The following COL4A3 variants were observed in gnomAD, a reference collection of about 807,000 sequenced individuals.
The protein encoded by COL4A3 is collagen alpha-3(IV) chain.
In COL4A3, 135 loss-of-function variants were observed where a neutral mutation model predicts 217.4. The observed-to-expected ratio is 0.62, with a 90% CI of 0.54 to 0.72. COL4A3 has a LOEUF of 0.72. COL4A3 is among the 30% of genes least tolerant of loss of function. The pLI is 0.00. For synonymous variants in COL4A3, 690 were observed against 736.3 expected, an observed-to-expected ratio of 0.94 and a Z score of 1.02; for missense variants, 1,868 against 2,119.9, an observed-to-expected ratio of 0.88 and a Z score of 2.33.
chr2:227,172,316 G>A (rs536190314), intron 1 of COL4A3, among the ~76,000 whole-genome samples: 1 of 152,234 alleles, frequency 6.6e-6, no homozygotes, highest in Admixed American at 6.5e-5. Flanking sequence ...GATGAGGCGG[G>A]GGCCCTCTCC....
In COL4A3 at chr2:227,307,825, A is replaced by G; in HGVS notation, c.4368A>G (p.Ala1456=). 2 of 1,614,160 alleles carry G rather than the reference A, an allele frequency of 1.2e-6. No homozygotes were observed. Among genetic ancestry groups the G allele is most frequent in the South Asian group, 2.2e-5 (2 of 91,080 alleles). Residue 1456 remains alanine (A), a synonymous_variant, in exon 48 of 52, where the codon GCA becomes GCG. Coordinates refer to ENST00000396578, the MANE Select transcript of COL4A3 (RefSeq NM_000091.5). ...TCACCCGACACAGTCAAACCACAGC[A>G]ATTCCTTCATGTCCAGAGGGGACAG... ...FVFTRHSQTT[A]IPSCPEGTVP...
At chr2:227,264,062 T>C in intron 21 of COL4A3, 118 bp downstream of exon 21, 3 of 1,139,638 alleles carry the variant, frequency 2.6e-6, no homozygotes, top group Non-Finnish European at 2.7e-6. Context: ...TTTTATGAGT[T>C]ACCTTTCCAA....
chr2:227,196,816 T>G (rs1199846216), intron 1 of COL4A3, among the ~76,000 whole-genome samples: 1 of 152,242 alleles, frequency 6.6e-6, no homozygotes, highest in Non-Finnish European at 1.5e-5. Flanking sequence ...TGTGTTTGTT[T>G]CAGACTGCAG....
In COL4A3 at chr2:227,253,643, C is replaced by G; in HGVS notation, c.765+5C>G. Reference sequence around the variant, plus strand: ...ACTGGCCCAGATAACAGAACGGTAACTCTGCGATTTTATGATTAGTGTTGT... The same window carrying G: ...ACTGGCCCAGATAACAGAACGGTAAGTCTGCGATTTTATGATTAGTGTTGT... On this transcript the variant is annotated splice_donor_5th_base_variant and intron_variant, in intron 13 of 51. Coordinates refer to ENST00000396578, the MANE Select transcript of COL4A3 (RefSeq NM_000091.5). This position sits in a 1 kb window ranked among gnomAD's most constrained non-coding sequence, Gnocchi z 4.4. 6.2e-7 allele frequency: 1 copy of G among 1,612,662 alleles called. No homozygotes were observed. Among genetic ancestry groups the G allele is most frequent in the Non-Finnish European group, 8.5e-7 (1 of 1,178,692 alleles).
chr2:227,170,080 G>A (rs1458430603), intron 1 of COL4A3, among the ~76,000 whole-genome samples: 1 of 152,102 alleles, frequency 6.6e-6, no homozygotes, highest in South Asian at 2.1e-4. Flanking sequence ...ATGTTAATTG[G>A]TATTGCACTG....
intron 25 of COL4A3, among the ~76,000 whole-genome samples, chr2:227,272,721 G>A (rs936852253): frequency 2.6e-5 from 4 of 152,294 alleles, no homozygotes; most frequent in Admixed American, 2.6e-4. Flanking sequence ...TCTCAAGTGG[G>A]ACTCAAGACA....
At chr2:227,223,419 C>T (rs925293119) in intron 1 of COL4A3, among the ~76,000 whole-genome samples, 16 of 152,138 alleles carry the variant, frequency 1.1e-4, no homozygotes, top group Non-Finnish European at 2.1e-4. Context: ...ATATCCCAAA[C>T]ATTTACATCA....
intron 1 of COL4A3, among the ~76,000 whole-genome samples, chr2:227,193,804 A>AAG (rs1473299672): frequency 3.8e-4 from 9 of 23,708 alleles, no homozygotes; most frequent in African/African-American, 9.7e-4. Context: ...AAGGAAGGGG[A>AAG]GGGAGGGAGG....
chr2:227,258,774 C>T (rs115582244), intron 18 of COL4A3, among the ~76,000 whole-genome samples: 2,018 of 152,276 alleles, frequency 0.013, 47 homozygotes, highest in African/African-American at 0.047. Flanking sequence ...TTCCTAAATA[C>T]TTTAGTGGAG....
At position 227,276,541 on chromosome 2, in the gene COL4A3, G is replaced by A; in HGVS notation, c.2020+64G>A. The A allele has an allele frequency of 4.2e-6, 5 of 1,196,074 alleles. No individual in the cohort carries two copies. The South Asian group carries it at 6.1e-5, about 15-fold the overall frequency. The allele number at this position is 1,196,074 out of a possible 1,614,324, so 74.1% of individuals were successfully genotyped here. On this transcript the variant is annotated intron_variant, in intron 27 of 51. Transcript: ENST00000396578. ...CACACACAACACCCTGACTCTCTTG[G>A]AAAAATACTGTCCCCATTATAAGGA...
Position 227,244,196 on chromosome 2 carries a change from A to G in COL4A3, c.235-124A>G, listed in dbSNP as rs2125903964. The G allele has an allele frequency of 5.2e-6, 4 of 763,566 alleles. No individual in the cohort carries two copies. In the East Asian group the frequency reaches 1.0e-4, roughly 20 times the overall value. The allele number at this position is 763,566 out of a possible 1,614,324, so 47.3% of individuals were successfully genotyped here. On this transcript the variant is annotated intron_variant, in intron 3 of 51. Coordinates refer to ENST00000396578, the MANE Select transcript of COL4A3 (RefSeq NM_000091.5). The stretch of plus-strand genomic sequence containing the variant: ...ATAAGCAAGCAATTGAATCTTATTA[A>G]CAATGAAATAATCAGAAGGGCAAAA...
intron 1 of COL4A3, among the ~76,000 whole-genome samples, chr2:227,179,241 G>A (rs889337091): frequency 4.6e-5 from 7 of 152,104 alleles, no homozygotes; most frequent in South Asian, 2.1e-4. Context: ...ATGAGACATC[G>A]TGCCTGGCCA....
chr2:227,211,661 A>G lies in COL4A3; in HGVS notation c.88-26307A>G, dbSNP rs539490456. 5.8e-3 allele frequency among the ~76,000 whole-genome samples: 885 copies of G among 151,432 alleles called. 3 individuals are homozygous for G. The highest frequency in any genetic ancestry group is 0.01 in the Non-Finnish European group (684 of 67,848). ...CTGTCAGACTTGATTTTATTTATTT[A>G]TTTATTTATTTATTGAGACAGAGTC... On this transcript the variant is annotated intron_variant, in intron 1 of 51. Coordinates refer to ENST00000396578, the MANE Select transcript of COL4A3 (RefSeq NM_000091.5).
chr2:227,289,086 G>T (rs2072521193), intron 34 of COL4A3, 64 bp from the exon 35 acceptor site: 2 of 1,274,434 alleles, frequency 1.6e-6, no homozygotes, highest in Non-Finnish European at 2.2e-6. Flanking sequence ...ACGTAGCTGG[G>T]ATTACAGGCA....
chr2:227,280,893 G>A lies in COL4A3; in HGVS notation c.2375G>A (p.Gly792Glu). ...PGNEGLDGPR[G>E]DPGQPGPPGE... ...TATATACTTGTGCTTTCTTTTGCAG[G>A]AGATCCAGGGCAGCCTGGACCACCT... The change falls in exon 31 of 52, where the codon GGA (glycine) becomes GAA (glutamate). Residue 792 changes from glycine (G) to glutamate (E), a missense_variant and splice_region_variant. By Grantham distance (98) the Gly-to-Glu change is moderately conservative. Coordinates refer to ENST00000396578, the MANE Select transcript of COL4A3 (RefSeq NM_000091.5). 3 of 1,552,598 alleles carry A rather than the reference G, an allele frequency of 1.9e-6. No homozygotes were observed. Among genetic ancestry groups the A allele is most frequent in the Non-Finnish European group, 2.6e-6 (3 of 1,146,786 alleles).
intron 6 of COL4A3, 25 bp from the exon 7 acceptor site, chr2:227,246,660 A>G: frequency 6.3e-7 from 1 of 1,589,068 alleles, no homozygotes; most frequent in Non-Finnish European, 8.6e-7. Flanking sequence ...ACTAAGAATA[A>G]TAAGAAACTT....
chr2:227,185,877 G>T (rs1289768445), intron 1 of COL4A3, among the ~76,000 whole-genome samples: 1 of 152,188 alleles, frequency 6.6e-6, no homozygotes, highest in Non-Finnish European at 1.5e-5. Flanking sequence ...TGATGCAAAT[G>T]GTCCTTGGAA....
chr2:227,303,880 T>C lies in COL4A3; in HGVS notation c.3977T>C (p.Phe1326Ser), dbSNP rs201056180. Residue 1326 changes from phenylalanine to serine, a missense_variant, in exon 45 of 52, where the codon TTT becomes TCT. By Grantham distance (155) the Phe-to-Ser change is radical. Around this residue, in one of 2 missense-constraint regions of COL4A3, gnomAD observed 1,503 missense variants for 1,786.1 expected, o/e 0.84. Coordinates refer to ENST00000396578, the MANE Select transcript of COL4A3 (RefSeq NM_000091.5). The stretch of plus-strand genomic sequence containing the variant: ...TTAGGAGAAAAGGGTAATCCTGGAT[T>C]TCTAGGATCCATTGGACCTCCAGGA... ...GVKGEKGNPG[F>S]LGSIGPPGPI... 1.2e-6 allele frequency: 2 copies of C among 1,614,090 alleles called. No individual in the cohort carries two copies. The highest frequency in any genetic ancestry group is 2.7e-5 in the African/African-American group (2 of 75,054).
chr2:227,165,124 A>G (rs2065189758), intron 1 of COL4A3, among the ~76,000 whole-genome samples: 1 of 151,984 alleles, frequency 6.6e-6, no homozygotes, highest in Admixed American at 6.5e-5. Context: ...CACATAGATA[A>G]TCGCCAGGGA....
Sources: allele counts gnomAD v4.1 joint callset (sites outside exome capture counted in the v4.1 genomes callset), GRCh38; gene constraint gnomAD v4.1.1; regional missense constraint gnomAD v4.1.1; non-coding constraint Gnocchi (gnomAD v3.1); transcripts MANE v1.5; gene names NCBI Gene and HGNC (gene_info 2026-07-23, HGNC 2026-07-21).